The following SSBP3 variants were observed in gnomAD, a reference collection of about 807,000 sequenced individuals.
SSBP3 encodes the protein single stranded DNA binding protein 3, also known as single-stranded DNA-binding protein 3.
In SSBP3, 5 loss-of-function variants were observed where a neutral mutation model predicts 69.6. The ratio of observed to expected loss-of-function variants is 0.07; its 90% CI spans 0.04 to 0.15. The LOEUF is 0.15. Ranked by LOEUF, SSBP3 falls within the 10% of genes least tolerant of loss-of-function variation. The pLI is 1.00. For synonymous variants in SSBP3, 196 were observed against 193.4 expected (o/e 1.01, Z -0.11); for missense variants, 312 against 534.0 (o/e 0.58, Z 4.10).
intron 4 of SSBP3, among the ~76,000 whole-genome samples, chr1:54,360,980 C>T (rs892981388): frequency 5.3e-5 from 8 of 151,706 alleles, no homozygotes; most frequent in African/African-American, 7.3e-5. Context: ...GTCCCAGCTA[C>T]GTTGGAGGCT....
intron 13 of SSBP3, among the ~76,000 whole-genome samples, chr1:54,240,420 T>TGCACTCC (rs1219826134): frequency 1.5e-5 from 2 of 129,802 alleles, no homozygotes; most frequent in Non-Finnish European, 3.1e-5. Context: ...ATTACGCCAT[T>TGCACTCC]GCACTCCAGC....
Position 54,281,429 on chromosome 1 carries a change from C to T in SSBP3, c.366+9G>A, listed in dbSNP as rs533193478. ...GGTGGAGCACAAGACCCACGGGCCC[C>T]GCACGTACCTGAAAGAAACCTGGCG... On this transcript the variant is annotated intron_variant, in intron 5 of 17. Transcript: ENST00000610401. The T allele has an allele frequency of 2.0e-5, 31 of 1,553,908 alleles. No homozygotes were observed. Among genetic ancestry groups the T allele is most frequent in the African/African-American group, 1.9e-4 (14 of 73,346 alleles).
chr1:54,324,175 G>T (rs1416817796), intron 4 of SSBP3, among the ~76,000 whole-genome samples: 1 of 152,146 alleles, frequency 6.6e-6, no homozygotes, highest in Admixed American at 6.5e-5. Flanking sequence ...TCCTGGACAG[G>T]ATCTTCTTCC....
At chr1:54,238,421 G>A (rs1322846898) in intron 14 of SSBP3, 1 of 424,624 alleles carries the variant, frequency 2.4e-6, no homozygotes, top group Non-Finnish European at 4.9e-6. Flanking sequence ...GCATGGAGGA[G>A]GAAGGGAAGG....
chr1:54,411,486 A>AG (rs1230252339), intron 1 of SSBP3, among the ~76,000 whole-genome samples: 1 of 151,044 alleles, frequency 6.6e-6, no homozygotes, highest in Non-Finnish European at 1.5e-5. Context: ...TTGAAAAAAA[A>AG]AAAAAGAATT....
At chr1:54,251,057 G>C (rs1026931585) in intron 9 of SSBP3, among the ~76,000 whole-genome samples, 1 of 152,242 alleles carries the variant, frequency 6.6e-6, no homozygotes, top group African/African-American at 2.4e-5. Context: ...GGTCCTGCCA[G>C]CGTGGCCCCC....
intron 5 of SSBP3, among the ~76,000 whole-genome samples, chr1:54,261,643 C>G (rs1184391390): frequency 6.6e-6 from 1 of 152,164 alleles, no homozygotes; most frequent in Admixed American, 6.5e-5. Flanking sequence ...TTTGAGGAAC[C>G]CAAAATGGGT....
At chr1:54,336,826 G>T (rs1358461667) in intron 4 of SSBP3, among the ~76,000 whole-genome samples, 1 of 152,182 alleles carries the variant, frequency 6.6e-6, no homozygotes, top group African/African-American at 2.4e-5. Flanking sequence ...GCACACGTTA[G>T]GTCAGGCCCC....
intron 4 of SSBP3, among the ~76,000 whole-genome samples, chr1:54,331,843 G>A (rs1646416291): frequency 6.6e-6 from 1 of 152,212 alleles, no homozygotes; most frequent in Non-Finnish European, 1.5e-5. Flanking sequence ...ACTGTTCTCT[G>A]GTGAAGGCAG....
At chr1:54,379,540 T>C (rs1343684153) in intron 4 of SSBP3, among the ~76,000 whole-genome samples, 1 of 152,184 alleles carries the variant, frequency 6.6e-6, no homozygotes, top group African/African-American at 2.4e-5. Context: ...TGGAATTTGA[T>C]TTGAGGGAGA....
At chr1:54,337,567 C>T (rs1195677771) in intron 4 of SSBP3, among the ~76,000 whole-genome samples, 1 of 141,416 alleles carries the variant, frequency 7.1e-6, no homozygotes, top group East Asian at 2.3e-4. Context: ...GCACCATCTC[C>T]GCTCACTGCA....
chr1:54,371,413 G>A (rs542150761), intron 4 of SSBP3, among the ~76,000 whole-genome samples: 2 of 152,316 alleles, frequency 1.3e-5, no homozygotes, highest in Admixed American at 6.5e-5. Context: ...CAGAAGGCTG[G>A]CTCTGGGGAA....
At chr1:54,293,879 G>A (rs767029683) in intron 4 of SSBP3, among the ~76,000 whole-genome samples, 8 of 152,220 alleles carry the variant, frequency 5.3e-5, no homozygotes, top group Admixed American at 1.3e-4. Flanking sequence ...GCTCTCGCCT[G>A]TAATCCCAGC....
chr1:54,326,563 T>G (rs1403417459), intron 4 of SSBP3: 3 of 152,124 alleles, frequency 2.0e-5, no homozygotes, highest in Non-Finnish European at 4.4e-5. Context: ...TTGACGCAGC[T>G]CCTGGCACTG....
intron 14 of SSBP3, chr1:54,238,417 A>G (rs1293176591): frequency 2.3e-6 from 1 of 431,912 alleles, no homozygotes; most frequent in African/African-American, 2.1e-5. Flanking sequence ...GCCTGCATGG[A>G]GGAGGAAGGG....
chr1:54,404,785 G>A (rs551039190), intron 2 of SSBP3, 73 bp downstream of exon 2: 29 of 799,470 alleles, frequency 3.6e-5, no homozygotes, highest in African/African-American at 1.4e-4. Flanking sequence ...GGCTGCTCCT[G>A]AAAACAAAGG....
chr1:54,324,361 G>A (rs1380114911), intron 4 of SSBP3, among the ~76,000 whole-genome samples: 4 of 152,168 alleles, frequency 2.6e-5, no homozygotes, highest in Non-Finnish European at 4.4e-5. Flanking sequence ...CATGAGGCTC[G>A]GCTTCTGTGC....
At chr1:54,314,197 A>G (rs1324851779) in intron 4 of SSBP3, among the ~76,000 whole-genome samples, 5 of 152,244 alleles carry the variant, frequency 3.3e-5, no homozygotes, top group African/African-American at 1.2e-4. Flanking sequence ...ACGTAGACCC[A>G]GTCTCCAAGG....
At chr1:54,330,625 C>T (rs1454119105) in intron 4 of SSBP3, among the ~76,000 whole-genome samples, 4 of 152,226 alleles carry the variant, frequency 2.6e-5, no homozygotes, top group Admixed American at 2.6e-4. Context: ...CCAGCACTGT[C>T]TGCCTGTCAC....
Sources: allele counts gnomAD v4.1 joint callset (sites outside exome capture counted in the v4.1 genomes callset), GRCh38; gene constraint gnomAD v4.1.1; transcripts MANE v1.5; gene names NCBI Gene and HGNC (gene_info 2026-07-23, HGNC 2026-07-21).